The following CSMD1 variants were observed in gnomAD, a reference collection of about 807,000 sequenced individuals.
The protein encoded by CSMD1 is CUB and Sushi multiple domains 1.
Under a neutral mutation model 417.5 loss-of-function variants are expected in CSMD1, and 213 were observed. The ratio of observed to expected loss-of-function variants is 0.51; its 90% CI spans 0.46 to 0.57. CSMD1 has a LOEUF of 0.57. Among genes scored for constraint, CSMD1 ranks in the 20% least tolerant of loss-of-function variants. The pLI is 0.00. For synonymous variants in CSMD1, 2,862 were observed against 1,736.8 expected, an observed-to-expected ratio of 1.65 and a Z score of -16.11; for missense variants, 6,923 against 4,529.7, an observed-to-expected ratio of 1.53 and a Z score of -15.17.
intron 2 of CSMD1, among the ~76,000 whole-genome samples, chr8:4,566,497 C>CA (rs1264844557): frequency 2.0e-5 from 3 of 150,442 alleles, no homozygotes; most frequent in African/African-American, 7.3e-5. Flanking sequence ...ACTAAAAATA[C>CA]AAAAAATTAG....
At chr8:3,214,761 G>A (rs1032766239) in intron 29 of CSMD1, 70 bp from the exon 30 acceptor site, 12 of 1,299,772 alleles carry the variant, frequency 9.2e-6, no homozygotes, top group Non-Finnish European at 1.3e-5. Flanking sequence ...TTGTTTGTTG[G>A]GTTGGTTCTT....
chr8:3,101,263 C>G (rs944234653), intron 46 of CSMD1, among the ~76,000 whole-genome samples: 1 of 152,140 alleles, frequency 6.6e-6, no homozygotes, highest in Non-Finnish European at 1.5e-5. Flanking sequence ...TCCTCAACGC[C>G]ACACCCTCCT....
At chr8:3,599,896 C>T (rs924233473) in intron 8 of CSMD1, among the ~76,000 whole-genome samples, 26 of 152,318 alleles carry the variant, frequency 1.7e-4, no homozygotes, top group African/African-American at 6.3e-4. Flanking sequence ...TGACTACCTT[C>T]CCCTTCCAGA....
chr8:4,273,368 T>C (rs1472230422), intron 3 of CSMD1, among the ~76,000 whole-genome samples: 1 of 152,092 alleles, frequency 6.6e-6, no homozygotes, highest in African/African-American at 2.4e-5. Flanking sequence ...ATTCGAGAAA[T>C]GGATGGGTTT....
rs561868068 is a variant in CSMD1, at chr8:3,004,754, G to A, written c.8030-4623C>T. 5.3e-5 allele frequency among the ~76,000 whole-genome samples: 8 copies of A among 152,278 alleles called. No homozygotes were observed. In the South Asian group the frequency reaches 1.5e-3, roughly 28 times the overall value. On this transcript the variant is annotated intron_variant, in intron 52 of 69. Transcript: ENST00000635120. ...GGGTAATTCACCAACCACTTAAAATGGTTGAGAGAACCAGTAACGGAACCA... is the reference window on the plus strand; with the variant it reads ...GGGTAATTCACCAACCACTTAAAATAGTTGAGAGAACCAGTAACGGAACCA...
At chr8:4,314,974 C>A (rs753624977) in intron 3 of CSMD1, among the ~76,000 whole-genome samples, 1 of 152,116 alleles carries the variant, frequency 6.6e-6, no homozygotes, top group East Asian at 1.9e-4. Context: ...GAGGTTTCAC[C>A]TTCCCACATG....
chr8:3,579,205 A>G (rs2220012), intron 9 of CSMD1, among the ~76,000 whole-genome samples: 50,023 of 151,792 alleles, frequency 0.33, 9,920 homozygotes, highest in Middle Eastern at 0.44. Flanking sequence ...AAACGTCAGG[A>G]GGGAAAGTGG....
intron 3 of CSMD1, among the ~76,000 whole-genome samples, chr8:4,344,402 T>A (rs1302956652): frequency 1.3e-5 from 2 of 152,100 alleles, no homozygotes; most frequent in Admixed American, 6.6e-5. Context: ...GTACCTACTA[T>A]CTTCTGTTGA....
At chr8:4,779,644 T>C (rs1182460850) in intron 1 of CSMD1, among the ~76,000 whole-genome samples, 1 of 152,236 alleles carries the variant, frequency 6.6e-6, no homozygotes, top group African/African-American at 2.4e-5. Context: ...TCTGGCAAGC[T>C]GGCTTTAGCA....
chr8:4,829,070 C>A (rs913293772), intron 1 of CSMD1, among the ~76,000 whole-genome samples: 1 of 152,154 alleles, frequency 6.6e-6, no homozygotes, highest in Non-Finnish European at 1.5e-5. Flanking sequence ...TACCTTTCTC[C>A]ACTAACATTT....
chr8:3,106,222 C>A (rs372126063), intron 46 of CSMD1, among the ~76,000 whole-genome samples: 673 of 125,912 alleles, frequency 5.3e-3, no homozygotes, highest in Middle Eastern at 0.013. Context: ...CCCATTTCTA[C>A]AAAAAAAAAA....
At chr8:3,669,405 G>A (rs761433012) in intron 7 of CSMD1, among the ~76,000 whole-genome samples, 1 of 152,150 alleles carries the variant, frequency 6.6e-6, no homozygotes, top group Non-Finnish European at 1.5e-5. Context: ...GGCCAGTCTA[G>A]GGGTTCGTGT....
At chr8:4,533,191 T>G (rs1327810239) in intron 2 of CSMD1, among the ~76,000 whole-genome samples, 1 of 152,210 alleles carries the variant, frequency 6.6e-6, no homozygotes, top group African/African-American at 2.4e-5. Context: ...GTAGCATTTG[T>G]CATCGTAGTA....
At chr8:4,745,615 G>C (rs1199818563) in intron 1 of CSMD1, among the ~76,000 whole-genome samples, 1 of 152,034 alleles carries the variant, frequency 6.6e-6, no homozygotes, top group East Asian at 1.9e-4. Flanking sequence ...AGAGGGAGAA[G>C]TAGAATGTAG....
chr8:3,797,144 G>A (rs996726424), intron 5 of CSMD1, among the ~76,000 whole-genome samples: 1 of 151,850 alleles, frequency 6.6e-6, no homozygotes, highest in Non-Finnish European at 1.5e-5. Flanking sequence ...ATAAAATACA[G>A]TCAACATAAT....
chr8:4,644,030 A>C lies in CSMD1; in HGVS notation c.86-6472T>G, dbSNP rs556981818. On this transcript the variant is annotated intron_variant, in intron 1 of 69. Transcript: ENST00000635120. ...TGGGAGATTACTCACTACATGAGCA[A>C]AGAAGAAAAGTAAAAATGCCAGAGG... is the stretch of plus-strand genomic sequence containing the variant. 1.6e-3 allele frequency among the ~76,000 whole-genome samples: 237 copies of C among 152,330 alleles called. 1 individual carries two copies. Among genetic ancestry groups the C allele is most frequent in the African/African-American group, 5.6e-3 (233 of 41,574 alleles).
intron 32 of CSMD1, among the ~76,000 whole-genome samples, chr8:3,200,578 A>AATG (rs1198349114): frequency 6.6e-6 from 1 of 150,864 alleles, no homozygotes; most frequent in African/African-American, 2.4e-5. Flanking sequence ...TAATAATAAT[A>AATG]ATAATAAAAT....
chr8:4,023,571 A>G (rs1796894668), intron 4 of CSMD1, among the ~76,000 whole-genome samples: 1 of 145,454 alleles, frequency 6.9e-6, no homozygotes, highest in African/African-American at 2.5e-5. Flanking sequence ...ATGAATGCTT[A>G]CTGCTTTTCA....
intron 3 of CSMD1, among the ~76,000 whole-genome samples, chr8:4,413,242 G>T (rs960524306): frequency 2.0e-5 from 3 of 152,306 alleles, no homozygotes; most frequent in Middle Eastern, 6.8e-3. Context: ...GCAACTGTGA[G>T]CTGGCTAAGC....
Sources: allele counts gnomAD v4.1 joint callset (sites outside exome capture counted in the v4.1 genomes callset), GRCh38; gene constraint gnomAD v4.1.1; transcripts MANE v1.5; gene names NCBI Gene and HGNC (gene_info 2026-07-23, HGNC 2026-07-21).